SLC35F4: variants seen among roughly 807,000 people sequenced by gnomAD.
SLC35F4 encodes solute carrier family 35 member F4, also known as chromosome 14 open reading frame 36.
A neutral mutation model predicts 44.2 loss-of-function variants in SLC35F4; 24 were observed. That is an observed-to-expected ratio of 0.54 (90% CI 0.39 to 0.76). SLC35F4 has a LOEUF of 0.76. SLC35F4 is among the 30% of genes least tolerant of loss of function. SLC35F4 has a pLI of 0.00. For synonymous variants in SLC35F4, 238 were observed against 223.6 expected (o/e 1.06, Z -0.57); for missense variants, 562 against 586.1 (o/e 0.96, Z 0.42).
At chr14:57,706,777 A>G (rs1241543157) in intron 1 of SLC35F4, among the ~76,000 whole-genome samples, 1 of 152,172 alleles carries the variant, frequency 6.6e-6, no homozygotes, top group East Asian at 1.9e-4. Context: ...CACTGTGGCT[A>G]TAGTAGAATG....
At chr14:57,832,239 C>T (rs1398890492) in intron 1 of SLC35F4, among the ~76,000 whole-genome samples, 1 of 144,812 alleles carries the variant, frequency 6.9e-6, no homozygotes, top group Non-Finnish European at 1.5e-5. Context: ...CCTCTGCCTT[C>T]CGCAGACTCA....
At chr14:57,942,654 G>A (rs1790057469) in intron 1 of SLC35F4, among the ~76,000 whole-genome samples, 1 of 152,092 alleles carries the variant, frequency 6.6e-6, no homozygotes, top group South Asian at 2.1e-4. Context: ...AATATGCTAT[G>A]GAGGGAGAGT....
At chr14:57,602,050 A>AAGAT (rs2070854477) in intron 1 of SLC35F4, among the ~76,000 whole-genome samples, 1 of 152,180 alleles carries the variant, frequency 6.6e-6, no homozygotes. Context: ...TCTTGCTGGG[A>AAGAT]AGATAATATA....
intron 1 of SLC35F4, among the ~76,000 whole-genome samples, chr14:57,735,191 T>G (rs1399010610): frequency 6.6e-6 from 1 of 152,180 alleles, no homozygotes; most frequent in Non-Finnish European, 1.5e-5. Flanking sequence ...TCTTCTTGAA[T>G]ATTGTGTTTT....
chr14:57,824,061 C>G (rs10142654), intron 1 of SLC35F4, among the ~76,000 whole-genome samples: 1 of 151,736 alleles, frequency 6.6e-6, no homozygotes, highest in Admixed American at 6.6e-5. Flanking sequence ...ATTGATGGAA[C>G]CTGAAGGACC....
intron 1 of SLC35F4, among the ~76,000 whole-genome samples, chr14:57,829,372 C>T (rs1884115410): frequency 6.6e-6 from 1 of 152,088 alleles, no homozygotes; most frequent in African/African-American, 2.4e-5. Flanking sequence ...GGAGCAGCTC[C>T]CTGTGGAAGT....
intron 1 of SLC35F4, among the ~76,000 whole-genome samples, chr14:57,761,325 C>T (rs958233238): frequency 1.6e-4 from 25 of 152,194 alleles, no homozygotes; most frequent in African/African-American, 6.0e-4. Context: ...GTTCTCTTGG[C>T]AGGGGAAACT....
At chr14:57,587,022 A>G (rs1242833571) in intron 3 of SLC35F4, among the ~76,000 whole-genome samples, 3 of 150,238 alleles carry the variant, frequency 2.0e-5, no homozygotes, top group Non-Finnish European at 4.4e-5. Context: ...TATGAAAAAA[A>G]GCTCATCATC....
chr14:57,614,654 C>T (rs750128592), intron 1 of SLC35F4, among the ~76,000 whole-genome samples: 5 of 152,160 alleles, frequency 3.3e-5, no homozygotes, highest in Non-Finnish European at 5.9e-5. Context: ...CTCCCTCAGG[C>T]AACTGTTTTT....
intron 1 of SLC35F4, among the ~76,000 whole-genome samples, chr14:57,740,292 C>A (rs1264529236): frequency 2.0e-5 from 3 of 152,176 alleles, no homozygotes; most frequent in African/African-American, 4.8e-5. Flanking sequence ...TCATATACTT[C>A]ATTTTCCAAG....
chr14:57,849,334 G>A (rs565604807), intron 1 of SLC35F4, among the ~76,000 whole-genome samples: 1 of 152,144 alleles, frequency 6.6e-6, no homozygotes, highest in South Asian at 2.1e-4. Flanking sequence ...GCTAGTTTTT[G>A]TATTTTTAGT....
At chr14:57,853,466 A>G (rs903966186) in intron 1 of SLC35F4, among the ~76,000 whole-genome samples, 1 of 152,176 alleles carries the variant, frequency 6.6e-6, no homozygotes, top group Non-Finnish European at 1.5e-5. Flanking sequence ...CATACAGTCA[A>G]TAGGGTTACA....
intron 1 of SLC35F4, among the ~76,000 whole-genome samples, chr14:57,809,001 A>G (rs2140879736): frequency 6.6e-6 from 1 of 152,326 alleles, no homozygotes; most frequent in South Asian, 2.1e-4. Context: ...CTGAGTTTAC[A>G]TAGTGGCATT....
chr14:57,966,643 A>G (rs1180400267), intron 1 of SLC35F4, among the ~76,000 whole-genome samples: 1 of 152,212 alleles, frequency 6.6e-6, no homozygotes, highest in Admixed American at 6.5e-5. Context: ...AAACTTAAAA[A>G]CAGTTTTAAA....
chr14:57,737,522 T>C lies in SLC35F4; in HGVS notation c.103+128201A>G, dbSNP rs549449943. On this transcript the variant is annotated intron_variant, in intron 1 of 7. Coordinates refer to ENST00000556826, the MANE Select transcript of SLC35F4 (RefSeq NM_001306087.2). The stretch of plus-strand genomic sequence containing the variant: ...GAACACATAACTGGAAAGGAGTTAA[T>C]AGCAAGGCTGCAGCAATGGTAAAAC... Among the ~76,000 whole-genome samples, 5 of 152,314 alleles carry C rather than the reference T, an allele frequency of 3.3e-5. No homozygotes were observed. The East Asian group carries it at 7.7e-4, about 24-fold the overall frequency.
At chr14:57,613,896 T>C (rs1329338286) in intron 1 of SLC35F4, among the ~76,000 whole-genome samples, 1 of 152,202 alleles carries the variant, frequency 6.6e-6, no homozygotes, top group Non-Finnish European at 1.5e-5. Context: ...AAGGAGTAGA[T>C]GATGTAATGT....
intron 1 of SLC35F4, among the ~76,000 whole-genome samples, chr14:57,665,436 C>T (rs73305928): frequency 0.026 from 3,955 of 152,232 alleles, 162 homozygotes; most frequent in African/African-American, 0.089. Context: ...AGCACGAGTA[C>T]TGTCTCAATT....
chr14:57,860,927 A>G (rs941020192), intron 1 of SLC35F4, among the ~76,000 whole-genome samples: 10 of 152,168 alleles, frequency 6.6e-5, no homozygotes, highest in African/African-American at 2.2e-4. Flanking sequence ...TTTTGTATAC[A>G]ACTCCGTTGT....
intron 1 of SLC35F4, among the ~76,000 whole-genome samples, chr14:57,734,664 T>C (rs1413633756): frequency 6.6e-6 from 1 of 152,174 alleles, no homozygotes; most frequent in Non-Finnish European, 1.5e-5. Context: ...TGTTTTTCTT[T>C]TAGTCACAGT....
Sources: gnomAD v4.1 joint callset for allele counts (sites outside exome capture counted in the v4.1 genomes callset) on GRCh38, gnomAD v4.1.1 for gene constraint, MANE v1.5 for transcripts, NCBI Gene and HGNC (gene_info 2026-07-23, HGNC 2026-07-21) for gene names.